Variants in GCNT2 observed in about 807,000 individuals in gnomAD.
GCNT2 encodes glucosaminyl (N-acetyl) transferase 2 (I blood group).
In GCNT2, 34 loss-of-function variants were observed where a neutral mutation model predicts 34.2. That is an observed-to-expected ratio of 1.00 (90% CI 0.76 to 1.32). The LOEUF (loss-of-function observed/expected upper bound fraction) is 1.32. Among genes scored for constraint, GCNT2 ranks in the 40% most tolerant of loss-of-function variants. GCNT2 has a pLI of 0.00. For synonymous variants in GCNT2, 212 were observed against 188.0 expected (o/e 1.13, Z -1.04); for missense variants, 584 against 489.4 (o/e 1.19, Z -1.82).
At chr6:10,581,994 A>G (rs1429701265) in intron 3 of GCNT2, 2 of 267,038 alleles carry the variant, frequency 7.5e-6, no homozygotes, top group Middle Eastern at 1.9e-3. Flanking sequence ...ATATGTATAT[A>G]TAAATATATT....
intron 3 of GCNT2, among the ~76,000 whole-genome samples, chr6:10,583,027 G>C (rs1029817845): frequency 3.9e-5 from 6 of 152,106 alleles, no homozygotes; most frequent in Non-Finnish European, 5.9e-5. Context: ...CAAACAGACT[G>C]GCTTCAGCAC....
intron 3 of GCNT2, among the ~76,000 whole-genome samples, chr6:10,546,421 A>T (rs1479328019): frequency 1.3e-5 from 2 of 152,222 alleles, no homozygotes; most frequent in Admixed American, 1.3e-4. Flanking sequence ...CACTTTGGGA[A>T]GCCGAGGTGG....
At chr6:10,616,247 C>T (rs1417608281) in intron 3 of GCNT2, among the ~76,000 whole-genome samples, 1 of 152,156 alleles carries the variant, frequency 6.6e-6, no homozygotes, top group East Asian at 1.9e-4. Flanking sequence ...CGTGGTTTTG[C>T]TGGCTTCAGG....
At position 10,551,396 on chromosome 6, in the gene GCNT2, G is replaced by C. The variant is rs566917211; in HGVS notation, c.925+21560G>C. ...ATGTTAAACTTCTTTCCCCGCCTCTGAGATAATTTATTTTTTATTTTTTAA... is the reference window on the plus strand; with the variant it reads ...ATGTTAAACTTCTTTCCCCGCCTCTCAGATAATTTATTTTTTATTTTTTAA... On this transcript the variant is annotated intron_variant, in intron 3 of 4. Transcript: ENST00000495262. 2.1e-3 allele frequency among the ~76,000 whole-genome samples: 319 copies of C among 151,300 alleles called. 2 individuals are homozygous for C. Among genetic ancestry groups the C allele is most frequent in the African/African-American group, 7.1e-3 (295 of 41,344 alleles).
chr6:10,555,910 G>A (rs912219656), intron 3 of GCNT2: 1 of 1,002,374 alleles, frequency 1.0e-6, no homozygotes, highest in East Asian at 1.0e-4. Flanking sequence ...GTGGATCCTT[G>A]CCACGAACAA....
At chr6:10,524,024 G>C (rs1451865366) in intron 1 of GCNT2, among the ~76,000 whole-genome samples, 1 of 150,674 alleles carries the variant, frequency 6.6e-6, no homozygotes, top group African/African-American at 2.4e-5. Context: ...GATCTGGCTA[G>C]GAAGGAAGCC....
chr6:10,619,318 A>C (rs1765930231), intron 3 of GCNT2: 1 of 152,100 alleles, frequency 6.6e-6, no homozygotes, highest in South Asian at 2.1e-4. Flanking sequence ...AGTAGCTGGG[A>C]CTACAAGAGT....
chr6:10,588,962 GGT>G (rs1277170954), intron 3 of GCNT2, among the ~76,000 whole-genome samples: 5 of 147,388 alleles, frequency 3.4e-5, no homozygotes, highest in South Asian at 2.2e-4. Flanking sequence ...TAGTGTGTGT[GGT>G]GTGTGTGTAT....
At chr6:10,557,154 GAAC>G (rs1762754725) in intron 3 of GCNT2, 1 of 1,549,568 alleles carries the variant, frequency 6.5e-7, no homozygotes, top group African/African-American at 1.4e-5. Context: ...TATGTGATAA[GAAC>G]AACAGCGTTG....
At position 10,621,158 on chromosome 6, in the gene GCNT2, A is replaced by G. The variant is rs9295607; in HGVS notation, c.926-193A>G. Among the ~76,000 whole-genome samples the G allele has an allele frequency of 0.015, 2,278 of 152,344 alleles. 47 individuals are homozygous for G. Among genetic ancestry groups the G allele is most frequent in the African/African-American group, 0.05 (2,096 of 41,572 alleles). ...GTTATACTAATTAGATGATGAGTCA[A>G]CAACTAAAATTCTGGTCAAAAGATC... On this transcript the variant is annotated intron_variant, in intron 3 of 4. Transcript: ENST00000495262.
intron 3 of GCNT2, among the ~76,000 whole-genome samples, chr6:10,544,512 G>C (rs1762178890): frequency 6.9e-6 from 1 of 144,242 alleles, no homozygotes; most frequent in East Asian, 2.1e-4. Flanking sequence ...GGCTGAGGCA[G>C]AGAATTGCTT....
intron 3 of GCNT2, among the ~76,000 whole-genome samples, chr6:10,566,334 G>A (rs1395598887): frequency 6.6e-6 from 1 of 152,096 alleles, no homozygotes; most frequent in East Asian, 1.9e-4. Context: ...GCCTGGCTCT[G>A]TGACCCAGGC....
intron 3 of GCNT2, among the ~76,000 whole-genome samples, chr6:10,530,537 A>C (rs187512515): frequency 1.3e-5 from 2 of 151,984 alleles, no homozygotes; most frequent in Admixed American, 1.3e-4. Context: ...ACAACTTTCA[A>C]ATTTTTTATT....
intron 3 of GCNT2, among the ~76,000 whole-genome samples, chr6:10,547,139 C>T (rs1047534241): frequency 1.3e-5 from 2 of 152,174 alleles, no homozygotes; most frequent in Non-Finnish European, 2.9e-5. Context: ...ATATTTTGTA[C>T]ACTTGCCTAA....
chr6:10,612,324 C>A (rs1765594309), intron 3 of GCNT2, among the ~76,000 whole-genome samples: 1 of 152,030 alleles, frequency 6.6e-6, no homozygotes, highest in Non-Finnish European at 1.5e-5. Flanking sequence ...TCATTCTTAA[C>A]CAGGGGTGAT....
chr6:10,589,698 A>G (rs528508025), intron 3 of GCNT2, among the ~76,000 whole-genome samples: 7 of 152,288 alleles, frequency 4.6e-5, no homozygotes, highest in East Asian at 1.9e-4. Flanking sequence ...TCAGCTACCA[A>G]TGTTAATACT....
intron 3 of GCNT2, among the ~76,000 whole-genome samples, chr6:10,603,981 C>T (rs543088231): frequency 5.3e-5 from 8 of 151,848 alleles, no homozygotes; most frequent in East Asian, 3.9e-4. Context: ...CTGCAACCTC[C>T]GCCGCCCCGG....
chr6:10,599,154 G>A (rs774783553), intron 3 of GCNT2, among the ~76,000 whole-genome samples: 3 of 152,130 alleles, frequency 2.0e-5, no homozygotes, highest in Non-Finnish European at 2.9e-5. Flanking sequence ...GCTTCCCATA[G>A]TACCAGAGCT....
chr6:10,609,571 A>T (rs1246613903), intron 3 of GCNT2, among the ~76,000 whole-genome samples: 1 of 152,200 alleles, frequency 6.6e-6, no homozygotes, highest in Non-Finnish European at 1.5e-5. Context: ...GCAAGATTGT[A>T]AAAGCTCTTA....
Sources: gnomAD v4.1 joint callset for allele counts (sites outside exome capture counted in the v4.1 genomes callset) on GRCh38, gnomAD v4.1.1 for gene constraint, MANE v1.5 for transcripts, NCBI Gene and HGNC (gene_info 2026-07-23, HGNC 2026-07-21) for gene names.